The following DPP6 variants were observed in gnomAD, a reference collection of about 807,000 sequenced individuals.
DPP6 encodes dipeptidyl peptidase like 6.
In DPP6, 69 loss-of-function variants were observed where a neutral mutation model predicts 122.6. The ratio of observed to expected loss-of-function variants is 0.56; its 90% CI spans 0.46 to 0.69. The LOEUF (loss-of-function observed/expected upper bound fraction) is 0.69, where lower values mean the gene tolerates loss of function less well. Ranked by LOEUF, DPP6 falls within the 30% of genes least tolerant of loss-of-function variation. The probability of loss-of-function intolerance (pLI) is 0.00; values close to 1 mark genes in which losing one functional copy is unlikely to be tolerated. For missense variants in DPP6, 928 were observed against 1,116.9 expected (o/e 0.83, Z 2.41); for synonymous variants, 418 against 433.1 (o/e 0.97, Z 0.43).
At chr7:154,576,128 C>T (rs1831653610) in intron 5 of DPP6, among the ~76,000 whole-genome samples, 1 of 152,052 alleles carries the variant, frequency 6.6e-6, no homozygotes, top group Non-Finnish European at 1.5e-5. Flanking sequence ...TCACCCCACA[C>T]AGGGACACCG....
chr7:154,012,639 T>A (rs1340632887), intron 1 of DPP6, among the ~76,000 whole-genome samples: 2 of 149,822 alleles, frequency 1.3e-5, no homozygotes, highest in Non-Finnish European at 3.0e-5. Context: ...AGTAACCCTA[T>A]TGAAAATGGG....
intron 3 of DPP6, among the ~76,000 whole-genome samples, chr7:154,505,358 A>G (rs1003293699): frequency 1.3e-5 from 2 of 152,208 alleles, no homozygotes; most frequent in African/African-American, 4.8e-5. Context: ...ATATTATGCA[A>G]CGTTTGACAC....
intron 1 of DPP6, among the ~76,000 whole-genome samples, chr7:154,323,218 T>G (rs1783392868): frequency 6.6e-6 from 1 of 152,240 alleles, no homozygotes; most frequent in Admixed American, 6.5e-5. Flanking sequence ...TTTCCGAGAT[T>G]CACTTTTCCA....
At chr7:154,042,573 G>A (rs1274468310) in intron 1 of DPP6, among the ~76,000 whole-genome samples, 3 of 152,130 alleles carry the variant, frequency 2.0e-5, no homozygotes, top group Non-Finnish European at 2.9e-5. Context: ...GAACTCTTCC[G>A]TCATGCCAAG....
At chr7:154,883,702 TCA>T (rs1432819007) in intron 21 of DPP6, 1 of 137,178 alleles carries the variant, frequency 7.3e-6, no homozygotes, top group Non-Finnish European at 1.5e-5. Flanking sequence ...ACACACGTGC[TCA>T]CAAATTACAT....
intron 5 of DPP6, among the ~76,000 whole-genome samples, chr7:154,621,926 T>G (rs1166598218): frequency 6.6e-6 from 1 of 152,214 alleles, no homozygotes; most frequent in East Asian, 1.9e-4. Context: ...GTACTAACTG[T>G]GCAAACGTGC....
At chr7:154,083,955 A>G (rs1049295926) in intron 1 of DPP6, among the ~76,000 whole-genome samples, 6 of 144,070 alleles carry the variant, frequency 4.2e-5, no homozygotes, top group Non-Finnish European at 9.0e-5. Context: ...ATTGAGATGG[A>G]GCAGTGTTCT....
In DPP6 at chr7:154,446,231, C is replaced by A. The variant is rs1481293178; in HGVS notation, c.261C>A (p.Asn87Lys). Residue 87 changes from asparagine (N) to lysine (K), a missense_variant, in exon 2 of 26, where the codon AAC becomes AAA. Coordinates refer to ENST00000377770, the MANE Select transcript of DPP6 (RefSeq NM_130797.4). ...GDEEDELVGS[N>K]PPQRNWKGIA... is the part of the protein sequence containing the mutation. ...GTTTTTAGGAGCTGGTGGGGAGTAA[C>A]CCTCCGCAGAGGAATTGGAAAGGAA... 5 of 1,605,698 alleles carry A rather than the reference C, an allele frequency of 3.1e-6. No homozygotes were observed. Among genetic ancestry groups the A allele is most frequent in the African/African-American group, 1.3e-5 (1 of 74,588 alleles).
At chr7:153,915,998 G>A (rs1032152856) in intron 1 of DPP6, among the ~76,000 whole-genome samples, 8 of 151,218 alleles carry the variant, frequency 5.3e-5, no homozygotes, top group Admixed American at 2.6e-4. Context: ...ACAGAGTCTC[G>A]CTCTGTCGCC....
intron 1 of DPP6, among the ~76,000 whole-genome samples, chr7:154,133,038 A>G (rs1795367486): frequency 6.6e-6 from 1 of 152,026 alleles, no homozygotes; most frequent in Non-Finnish European, 1.5e-5. Context: ...CGTTGGATTC[A>G]TGCATGTCTC....
chr7:153,894,193 G>T (rs922580889), intron 1 of DPP6, among the ~76,000 whole-genome samples: 1 of 152,150 alleles, frequency 6.6e-6, no homozygotes, highest in African/African-American at 2.4e-5. Context: ...GGTATGACAA[G>T]AATGACCCAA....
At chr7:154,211,604 T>A (rs1453367304) in intron 1 of DPP6, among the ~76,000 whole-genome samples, 1 of 152,190 alleles carries the variant, frequency 6.6e-6, no homozygotes, top group Non-Finnish European at 1.5e-5. Flanking sequence ...AATGCGCATT[T>A]ATGGCTCTCT....
At chr7:154,415,284 A>G (rs555313145) in intron 1 of DPP6, among the ~76,000 whole-genome samples, 1 of 151,664 alleles carries the variant, frequency 6.6e-6, no homozygotes, top group East Asian at 1.9e-4. Context: ...TTAAAAGATT[A>G]CCTTCCATAT....
intron 3 of DPP6, among the ~76,000 whole-genome samples, chr7:154,492,166 T>C (rs1202717534): frequency 1.3e-5 from 2 of 152,174 alleles, no homozygotes; most frequent in African/African-American, 2.4e-5. Context: ...GAGCAGAAGG[T>C]ATATTTTAAA....
At chr7:154,166,214 C>T (rs1201982366) in intron 1 of DPP6, among the ~76,000 whole-genome samples, 1 of 152,138 alleles carries the variant, frequency 6.6e-6, no homozygotes, top group African/African-American at 2.4e-5. Context: ...CTCCATGAAG[C>T]AGCTCCTTAG....
intron 8 of DPP6, among the ~76,000 whole-genome samples, chr7:154,733,994 G>A (rs1563152225): frequency 6.6e-6 from 1 of 152,226 alleles, no homozygotes; most frequent in African/African-American, 2.4e-5. Context: ...CCTGCGTGTT[G>A]TGAACAGACC....
At chr7:153,827,286 A>T in the DPP6 span, among the ~76,000 whole-genome samples, 1 of 152,318 alleles carries the variant, frequency 6.6e-6, no homozygotes, top group East Asian at 1.9e-4. Flanking sequence ...GCAGAAAGAA[A>T]CACAGACAAC....
At chr7:154,816,175 A>G (rs1029449749) in intron 16 of DPP6, among the ~76,000 whole-genome samples, 1 of 152,218 alleles carries the variant, frequency 6.6e-6, no homozygotes, top group African/African-American at 2.4e-5. Context: ...TCGGAGGAAT[A>G]ACAGTATGGC....
intron 1 of DPP6, among the ~76,000 whole-genome samples, chr7:153,921,866 G>T (rs1321926343): frequency 6.6e-6 from 1 of 152,236 alleles, no homozygotes; most frequent in African/African-American, 2.4e-5. Flanking sequence ...TATCTGCAAG[G>T]CGAGAAAGTT....
Sources: gnomAD v4.1 joint callset for allele counts (sites outside exome capture counted in the v4.1 genomes callset) on GRCh38, gnomAD v4.1.1 for gene constraint, MANE v1.5 for transcripts, NCBI Gene and HGNC (gene_info 2026-07-23, HGNC 2026-07-21) for gene names.